Variants in BAG4 observed in about 807,000 individuals in gnomAD.
BAG4 encodes BAG cochaperone 4, also known as BAG family molecular chaperone regulator 4.
Under a neutral mutation model 52.1 loss-of-function variants are expected in BAG4, and 28 were observed. That is an observed-to-expected ratio of 0.54 (90% CI 0.40 to 0.74). The LOEUF (loss-of-function observed/expected upper bound fraction) is 0.74, where lower values mean the gene tolerates loss of function less well. Among genes scored for constraint, BAG4 ranks in the 30% least tolerant of loss-of-function variants. The pLI is 0.00. For missense variants in BAG4, 525 were observed against 572.0 expected (o/e 0.92, Z 0.84); for synonymous variants, 208 against 217.0 (o/e 0.96, Z 0.37).
Position 38,210,042 on chromosome 8 carries a change from G to C in BAG4, c.923G>C (p.Ser308Thr). ...SSYPYSQSDQ[S>T]MNRHNFPCSV... ...TACCCCTATAGCCAATCAGATCAAA[G>C]CATGAACCGGCACAACTTTCCTTGC... The change falls in exon 5 of 5, where the codon AGC becomes ACC. Residue 308 changes from serine to threonine, a missense_variant. Physicochemically the swap from Ser to Thr is moderately conservative, Grantham distance 58 (BLOSUM62 1). Around this residue, in one of 2 missense-constraint regions of BAG4, gnomAD observed 238 missense variants for 305.8 expected, o/e 0.78. Coordinates refer to ENST00000287322, the MANE Select transcript of BAG4 (RefSeq NM_004874.4). The C allele has an allele frequency of 6.2e-7, 1 of 1,614,166 alleles. No homozygotes were observed. The highest frequency in any genetic ancestry group is 8.5e-7 in the Non-Finnish European group (1 of 1,180,042).
intron 2 of BAG4, among the ~76,000 whole-genome samples, chr8:38,197,267 G>T (rs550652392): frequency 2.0e-5 from 3 of 152,250 alleles, no homozygotes; most frequent in African/African-American, 7.2e-5. Context: ...ACATCATAGA[G>T]TGTACTTTCA....
chr8:38,189,633 T>C (rs1939351034), intron 1 of BAG4, among the ~76,000 whole-genome samples: 1 of 152,206 alleles, frequency 6.6e-6, no homozygotes, highest in Non-Finnish European at 1.5e-5. Flanking sequence ...GTGTGTCTTC[T>C]CATCCTGGGA....
At chr8:38,192,958 A>G (rs1803500932) in intron 2 of BAG4, among the ~76,000 whole-genome samples, 163 bp downstream of exon 2, 1 of 152,230 alleles carries the variant, frequency 6.6e-6, no homozygotes, top group African/African-American at 2.4e-5. Flanking sequence ...AGATAAGGAA[A>G]TATCTAGGCA....
intron 1 of BAG4, among the ~76,000 whole-genome samples, chr8:38,191,865 A>G (rs1163772696): frequency 6.6e-6 from 1 of 152,114 alleles, no homozygotes; most frequent in East Asian, 1.9e-4. Context: ...TGCTCTGAGA[A>G]GTTTTGAGTA....
At chr8:38,192,192 G>A (rs907760394) in intron 1 of BAG4, among the ~76,000 whole-genome samples, 7 of 152,208 alleles carry the variant, frequency 4.6e-5, no homozygotes, top group African/African-American at 1.4e-4. Flanking sequence ...GAACCATTTT[G>A]TTGCACTAAT....
At chr8:38,205,259 A>AG (rs2130689102) in intron 2 of BAG4, among the ~76,000 whole-genome samples, 1 of 121,662 alleles carries the variant, frequency 8.2e-6, no homozygotes, top group South Asian at 2.6e-4. Flanking sequence ...CTGTTTGCAC[A>AG]GGCTGTTCTC....
At chr8:38,204,697 A>C (rs920737542) in intron 2 of BAG4, among the ~76,000 whole-genome samples, 5 of 152,102 alleles carry the variant, frequency 3.3e-5, no homozygotes, top group Admixed American at 2.6e-4. Context: ...AAGAAAAAAA[A>C]TAAACAACAA....
chr8:38,187,747 G>A (rs1000792549), intron 1 of BAG4, among the ~76,000 whole-genome samples: 4 of 151,874 alleles, frequency 2.6e-5, no homozygotes, highest in Admixed American at 6.6e-5. Context: ...GCCCAGCTGG[G>A]TGCTGTGGCT....
intron 2 of BAG4, among the ~76,000 whole-genome samples, chr8:38,205,202 A>ATTTTTTTTTTTTTTTTTT (rs35284937): frequency 1.3e-5 from 1 of 79,240 alleles, no homozygotes; most frequent in Non-Finnish European, 2.3e-5. Flanking sequence ...CAGCTAATTA[A>ATTTTTTTTTTTTTTTTTT]TTTTTTTTTT....
chr8:38,209,046 G>A lies in BAG4; in HGVS notation c.667G>A (p.Gly223Arg). Residue 223 changes from glycine (G) to arginine (R), a missense_variant, in exon 4 of 5, where the codon GGA becomes AGA. Gly to Arg is a moderately radical substitution (Grantham distance 125, BLOSUM62 -2). This residue lies in a region of BAG4 where 238 missense variants were observed against 305.8 expected (regional missense o/e 0.78). Coordinates refer to ENST00000287322, the MANE Select transcript of BAG4 (RefSeq NM_004874.4). ...AATGACCCTGCCCCATTATCCTTAT[G>A]GAGATGGTAATCGTAGTGTTCCACA... ...PGMTLPHYPY[G>R]DGNRSVPQSG... 1 of 1,614,142 alleles carries A rather than the reference G, an allele frequency of 6.2e-7. No individual in the cohort carries two copies. Among genetic ancestry groups the A allele is most frequent in the South Asian group, 1.1e-5 (1 of 91,076 alleles).
chr8:38,195,153 TTTTG>T (rs1005349235), intron 2 of BAG4, among the ~76,000 whole-genome samples: 2 of 151,500 alleles, frequency 1.3e-5, no homozygotes, highest in Non-Finnish European at 2.9e-5. Flanking sequence ...TGCACCTGGC[TTTTG>T]TTTGTTTTTT....
At chr8:38,201,852 A>G (rs1452587562) in intron 2 of BAG4, 10 of 3,668 alleles carry the variant, frequency 2.7e-3, no homozygotes, top group African/African-American at 7.1e-3. Context: ...ATATATATAT[A>G]TATATATATA....
At chr8:38,185,308 CATT>C (rs1350592065) in intron 1 of BAG4, among the ~76,000 whole-genome samples, 1 of 151,872 alleles carries the variant, frequency 6.6e-6, no homozygotes, top group Non-Finnish European at 1.5e-5. Flanking sequence ...TCAAATTTAA[CATT>C]ATAGGAATTT....
intron 2 of BAG4, among the ~76,000 whole-genome samples, chr8:38,204,775 T>C (rs939386453): frequency 5.9e-5 from 9 of 152,092 alleles, no homozygotes; most frequent in African/African-American, 2.2e-4. Context: ...TTTCAATGGG[T>C]TATCAGTACA....
chr8:38,201,860 ATATATATATATATATATATAT>A (rs1803672888), intron 2 of BAG4: 8 of 9,076 alleles, frequency 8.8e-4, no homozygotes, highest in Non-Finnish European at 1.3e-3. Context: ...ATATATATAT[ATATATATATATATATATATAT>A]TTTTTTTTTT....
Position 38,212,799 on chromosome 8 carries a change from T to C in BAG4, c.*2306T>C, listed in dbSNP as rs575440050. Reference sequence around the variant, plus strand: ...ATATTTGCTGGAGATACCCGGAGACTATGCAAATGTCCCGTTTCTGCTTAA... The same window carrying C: ...ATATTTGCTGGAGATACCCGGAGACCATGCAAATGTCCCGTTTCTGCTTAA... On this transcript the variant is annotated 3_prime_UTR_variant, in exon 5 of 5. Transcript: ENST00000287322. 1.2e-4 allele frequency: 18 copies of C among 152,344 alleles called. No individual in the cohort carries two copies. Among genetic ancestry groups the C allele is most frequent in the African/African-American group, 4.3e-4 (18 of 41,576 alleles). The allele number at this position is 152,344 out of a possible 1,614,324, so 9.4% of individuals were successfully genotyped here. A position where few individuals can be genotyped will look rare whatever the true frequency, so the allele number is the denominator to read the frequency against.
At chr8:38,209,404 C>A in intron 4 of BAG4, 137 bp downstream of exon 4, 1 of 1,142,864 alleles carries the variant, frequency 8.7e-7, no homozygotes, top group Non-Finnish European at 1.2e-6. Context: ...TATAGCTTTA[C>A]CTCAGCTCGG....
At chr8:38,182,080 T>G (rs1370288665) in intron 1 of BAG4, among the ~76,000 whole-genome samples, 9 of 151,998 alleles carry the variant, frequency 5.9e-5, no homozygotes, top group Non-Finnish European at 1.3e-4. Flanking sequence ...AATGGGATGC[T>G]CTGCAAAATT....
intron 1 of BAG4, among the ~76,000 whole-genome samples, chr8:38,183,667 A>G (rs1803312671): frequency 6.6e-6 from 1 of 152,060 alleles, no homozygotes; most frequent in Non-Finnish European, 1.5e-5. Flanking sequence ...ATTCCTTTGG[A>G]CATAATCTAT....
Sources: gnomAD v4.1 joint callset for allele counts (sites outside exome capture counted in the v4.1 genomes callset) on GRCh38, gnomAD v4.1.1 for gene constraint, gnomAD v4.1.1 regional missense constraint, MANE v1.5 for transcripts, NCBI Gene and HGNC (gene_info 2026-07-23, HGNC 2026-07-21) for gene names.